The following MYT1L variants were observed in gnomAD, a reference collection of about 807,000 sequenced individuals.
MYT1L encodes the protein myelin transcription factor 1 like.
In MYT1L, 12 loss-of-function variants were observed where a neutral mutation model predicts 126.7. The observed-to-expected ratio is 0.09, with a 90% CI of 0.06 to 0.15. The LOEUF is 0.15. Among genes scored for constraint, MYT1L ranks in the 10% least tolerant of loss-of-function variants. MYT1L has a pLI of 1.00. For synonymous variants in MYT1L, 541 were observed against 604.2 expected (o/e 0.90, Z 1.53); for missense variants, 979 against 1,585.2 (o/e 0.62, Z 6.49).
chr2:1,937,804 G>A (rs2056175167), intron 9 of MYT1L, among the ~76,000 whole-genome samples: 1 of 152,166 alleles, frequency 6.6e-6, no homozygotes, highest in Admixed American at 6.5e-5. Flanking sequence ...AAGGCCCTAA[G>A]GTGACCACAC....
In MYT1L at chr2:2,311,873, G is replaced by A. The variant is rs188637363; in HGVS notation, c.-521+19094C>T. 3.5e-3 allele frequency among the ~76,000 whole-genome samples: 526 copies of A among 152,304 alleles called. 3 individuals are homozygous for A. The highest frequency in any genetic ancestry group is 0.013 in the South Asian group (62 of 4,820). On this transcript the variant is annotated intron_variant, in intron 1 of 24. Coordinates refer to ENST00000647738, the MANE Select transcript of MYT1L (RefSeq NM_001303052.2). Reference sequence around the variant, plus strand: ...GTCACTGGCTTCAATGTATTAACAAGTTATGCACAAACAGTTTGGGATTCC... The same window carrying A: ...GTCACTGGCTTCAATGTATTAACAAATTATGCACAAACAGTTTGGGATTCC...
intron 21 of MYT1L, among the ~76,000 whole-genome samples, chr2:1,829,817 C>T (rs976176614): frequency 7.3e-5 from 11 of 151,454 alleles, no homozygotes; most frequent in African/African-American, 2.7e-4. Context: ...TCCCATACAC[C>T]TGTGAATTGA....
chr2:2,212,594 G>A (rs759240798), intron 2 of MYT1L, among the ~76,000 whole-genome samples: 9 of 152,044 alleles, frequency 5.9e-5, no homozygotes, highest in Non-Finnish European at 1.0e-4. Context: ...TTGTATAGAC[G>A]GGATTAGTAC....
chr2:2,174,215 A>G (rs957032343), intron 2 of MYT1L, among the ~76,000 whole-genome samples: 6 of 152,206 alleles, frequency 3.9e-5, no homozygotes, highest in Non-Finnish European at 7.3e-5. Context: ...AACATTTAAA[A>G]ATATACACTT....
intron 21 of MYT1L, among the ~76,000 whole-genome samples, chr2:1,832,023 T>C (rs1198556098): frequency 6.6e-6 from 1 of 152,162 alleles, no homozygotes; most frequent in African/African-American, 2.4e-5. Context: ...GTATTTAAAA[T>C]GAAATAACCA....
chr2:2,183,206 C>G (rs1041899131), intron 2 of MYT1L, among the ~76,000 whole-genome samples: 1 of 152,126 alleles, frequency 6.6e-6, no homozygotes, highest in Non-Finnish European at 1.5e-5. Flanking sequence ...CTCCTGGCCT[C>G]CCCTAGAGTA....
At chr2:1,883,006 C>G (rs2047752686) in intron 18 of MYT1L, among the ~76,000 whole-genome samples, 1 of 152,182 alleles carries the variant, frequency 6.6e-6, no homozygotes, top group Admixed American at 6.5e-5. Flanking sequence ...AGCCTAGGGA[C>G]TACTGCGCGT....
intron 8 of MYT1L, among the ~76,000 whole-genome samples, chr2:1,961,880 A>C (rs2058990940): frequency 6.6e-6 from 1 of 152,200 alleles, no homozygotes; most frequent in East Asian, 1.9e-4. Flanking sequence ...AATATGAACT[A>C]AGGTTAGATA....
chr2:2,041,061 C>T (rs751872335), intron 4 of MYT1L, among the ~76,000 whole-genome samples: 33 of 152,206 alleles, frequency 2.2e-4, no homozygotes, highest in East Asian at 3.9e-4. Context: ...AATGTGTTTA[C>T]GTAAAATTGC....
chr2:2,004,670 C>A (rs1053618874), intron 4 of MYT1L, among the ~76,000 whole-genome samples: 2 of 142,978 alleles, frequency 1.4e-5, no homozygotes, highest in Non-Finnish European at 3.0e-5. Flanking sequence ...TTCTTTCCTG[C>A]GTGCCTTCTT....
At chr2:1,984,495 C>T (rs961801300) in intron 5 of MYT1L, among the ~76,000 whole-genome samples, 45 of 149,762 alleles carry the variant, frequency 3.0e-4, no homozygotes, top group Non-Finnish European at 3.4e-4. Flanking sequence ...TGGTACCTGG[C>T]CAAGAACTAA....
intron 3 of MYT1L, among the ~76,000 whole-genome samples, chr2:2,074,959 C>T (rs1161315912): frequency 2.0e-5 from 3 of 152,176 alleles, no homozygotes; most frequent in African/African-American, 4.8e-5. Flanking sequence ...CCAGTAGTTA[C>T]GATCCTTATA....
At chr2:1,839,751 G>A (rs538438200) in intron 20 of MYT1L, among the ~76,000 whole-genome samples, 40 of 152,326 alleles carry the variant, frequency 2.6e-4, no homozygotes, top group African/African-American at 7.2e-4. Flanking sequence ...AAAATGCAAC[G>A]TCAATAAGAT....
At chr2:2,328,890 CTG>C (rs1413147663) in intron 1 of MYT1L, among the ~76,000 whole-genome samples, 1 of 152,182 alleles carries the variant, frequency 6.6e-6, no homozygotes, top group Non-Finnish European at 1.5e-5. Context: ...GATATCTTTG[CTG>C]CCACCATCTT....
At chr2:1,870,784 C>A (rs2046182731) in intron 18 of MYT1L, among the ~76,000 whole-genome samples, 1 of 152,224 alleles carries the variant, frequency 6.6e-6, no homozygotes, top group Admixed American at 6.5e-5. Context: ...GGGTTGAAAT[C>A]TTGTCTCTGT....
intron 21 of MYT1L, among the ~76,000 whole-genome samples, chr2:1,813,184 G>T (rs1234218544): frequency 2.0e-5 from 3 of 152,198 alleles, no homozygotes; most frequent in Non-Finnish European, 2.9e-5. Flanking sequence ...CAGGTGGGGG[G>T]GAGAGAGGGA....
chr2:2,293,975 G>A (rs2095636803), intron 1 of MYT1L, among the ~76,000 whole-genome samples: 1 of 152,196 alleles, frequency 6.6e-6, no homozygotes, highest in South Asian at 2.1e-4. Flanking sequence ...CGGGGGGCAG[G>A]ACAGGGCCCC....
At chr2:2,064,862 T>C (rs996525860) in intron 3 of MYT1L, among the ~76,000 whole-genome samples, 6 of 152,158 alleles carry the variant, frequency 3.9e-5, no homozygotes, top group Non-Finnish European at 8.8e-5. Context: ...CTGATTAAAG[T>C]ATTTTGGTGT....
At chr2:2,126,441 T>C (rs1402659672) in intron 3 of MYT1L, among the ~76,000 whole-genome samples, 1 of 152,202 alleles carries the variant, frequency 6.6e-6, no homozygotes, top group East Asian at 1.9e-4. Flanking sequence ...TGCTGTTTCA[T>C]AGCCATGGGG....
Sources: gnomAD v4.1 joint callset for allele counts (sites outside exome capture counted in the v4.1 genomes callset) on GRCh38, gnomAD v4.1.1 for gene constraint, MANE v1.5 for transcripts, NCBI Gene and HGNC (gene_info 2026-07-23, HGNC 2026-07-21) for gene names.